PLEKHA1: variants seen among roughly 807,000 people sequenced by gnomAD.
The protein encoded by PLEKHA1 is pleckstrin homology domain-containing family A member 1.
PLEKHA1 carries 34 observed loss-of-function variants against 52.0 expected under a neutral mutation model. That is an observed-to-expected ratio of 0.65 (90% CI 0.50 to 0.87). The LOEUF (loss-of-function observed/expected upper bound fraction) is 0.87, where lower values mean the gene tolerates loss of function less well. Among genes scored for constraint, PLEKHA1 ranks in the 40% least tolerant of loss-of-function variants. The pLI is 0.00. For missense variants in PLEKHA1, 497 were observed against 504.2 expected, an observed-to-expected ratio of 0.99 and a Z score of 0.14; for synonymous variants, 163 against 170.7, an observed-to-expected ratio of 0.95 and a Z score of 0.35.
intron 1 of PLEKHA1, among the ~76,000 whole-genome samples, chr10:122,380,410 A>G (rs973021238): frequency 1.3e-5 from 2 of 152,216 alleles, no homozygotes; most frequent in Admixed American, 1.3e-4. Flanking sequence ...AATGCTAAGG[A>G]GAAGAATAAC....
At chr10:122,388,586 TC>T (rs1290774305) in intron 1 of PLEKHA1, among the ~76,000 whole-genome samples, 1 of 152,254 alleles carries the variant, frequency 6.6e-6, no homozygotes, top group Non-Finnish European at 1.5e-5. Context: ...TTTTTTGGTT[TC>T]CCAGTACATA....
chr10:122,399,374 G>A (rs1332542799), intron 3 of PLEKHA1, among the ~76,000 whole-genome samples: 2 of 152,068 alleles, frequency 1.3e-5, no homozygotes, highest in African/African-American at 4.8e-5. Context: ...TAAAGGGATA[G>A]CAGCAACCAA....
intron 2 of PLEKHA1, among the ~76,000 whole-genome samples, chr10:122,394,866 T>C (rs1026954605): frequency 1.3e-5 from 2 of 152,232 alleles, no homozygotes; most frequent in African/African-American, 4.8e-5. Flanking sequence ...TGTTCCTACA[T>C]AATAGATTCT....
intron 1 of PLEKHA1, among the ~76,000 whole-genome samples, chr10:122,375,368 C>T (rs993394193): frequency 6.6e-6 from 1 of 152,234 alleles, no homozygotes; most frequent in African/African-American, 2.4e-5. Context: ...GCCGGCTCCG[C>T]CCTGGGCCCT....
In PLEKHA1 at chr10:122,412,913, A is replaced by G. The variant is rs200186595; in HGVS notation, c.343-7A>G. 134 of 1,612,386 alleles carry G rather than the reference A, an allele frequency of 8.3e-5. No homozygotes were observed. The highest frequency in any genetic ancestry group is 5.0e-5 in the Admixed American group (3 of 59,816). ...TGCAAAATGATTCATTTTATTTACT[A>G]TTTCAGGTACCAAAGCAGTCAGACT... On this transcript the variant is annotated splice_polypyrimidine_tract_variant and splice_region_variant and intron_variant, in intron 5 of 11. Transcript: ENST00000368990.
At chr10:122,375,019 G>T (rs1274483140) in intron 1 of PLEKHA1, 1 of 152,032 alleles carries the variant, frequency 6.6e-6, no homozygotes, top group Non-Finnish European at 1.5e-5. Flanking sequence ...CACAGCACCT[G>T]GAGGCCGCCG....
intron 1 of PLEKHA1, among the ~76,000 whole-genome samples, chr10:122,376,499 AAGATATATATATATAT>A (rs993583210): frequency 3.5e-5 from 1 of 28,320 alleles, no homozygotes; most frequent in Non-Finnish European, 6.0e-5. Flanking sequence ...TGACATTAAG[AAGATATATATATATAT>A]ATATATATAT....
chr10:122,424,796 C>A (rs1357452980), intron 9 of PLEKHA1, 100 bp from the exon 10 acceptor site: 3 of 810,184 alleles, frequency 3.7e-6, no homozygotes, highest in African/African-American at 1.8e-5. Context: ...AGTGCTTTAC[C>A]TCATTTATTT....
At chr10:122,426,860 G>A (rs2133615021) in intron 10 of PLEKHA1, 82 bp from the exon 11 acceptor site, 3 of 1,186,044 alleles carry the variant, frequency 2.5e-6, no homozygotes, top group East Asian at 2.4e-5. Flanking sequence ...AGTATTTTAA[G>A]TTATCAAAAT....
intron 4 of PLEKHA1, among the ~76,000 whole-genome samples, chr10:122,401,187 A>T (rs1392127157): frequency 6.6e-6 from 1 of 152,030 alleles, no homozygotes; most frequent in Admixed American, 6.5e-5. Flanking sequence ...AGAGGGTATG[A>T]TAAATGGCTA....
chr10:122,425,833 T>C (rs1469866568), intron 10 of PLEKHA1: 2 of 152,084 alleles, frequency 1.3e-5, no homozygotes, highest in African/African-American at 2.4e-5. Context: ...ATGTGGCTTA[T>C]AAAACATTCA....
intron 1 of PLEKHA1, among the ~76,000 whole-genome samples, chr10:122,375,689 G>C (rs566573044): frequency 6.6e-6 from 1 of 152,362 alleles, no homozygotes; most frequent in East Asian, 1.9e-4. Context: ...CCCGCGCAGA[G>C]CATCTACCGT....
chr10:122,429,596 C>T (rs779939732), intron 11 of PLEKHA1, 28 bp from the exon 12 acceptor site: 17 of 1,601,200 alleles, frequency 1.1e-5, no homozygotes, highest in East Asian at 2.2e-5. Context: ...AGTGACTGAC[C>T]GTGTCTGACT....
chr10:122,394,633 A>T (rs56357575), intron 2 of PLEKHA1, among the ~76,000 whole-genome samples: 1 of 152,092 alleles, frequency 6.6e-6, no homozygotes, highest in South Asian at 2.1e-4. Flanking sequence ...CTATATACTG[A>T]TTTTAGATTA....
At chr10:122,379,504 C>T (rs147206309) in intron 1 of PLEKHA1, among the ~76,000 whole-genome samples, 282 of 151,884 alleles carry the variant, frequency 1.9e-3, no homozygotes, top group African/African-American at 6.4e-3. Flanking sequence ...GTTCTAGGCT[C>T]CTCTGATCTT....
chr10:122,390,117 T>G (rs1252844904), intron 1 of PLEKHA1, among the ~76,000 whole-genome samples: 1 of 152,240 alleles, frequency 6.6e-6, no homozygotes, highest in African/African-American at 2.4e-5. Flanking sequence ...AGAGATGGCT[T>G]CTTTCTTTAA....
At chr10:122,442,095 T>C in the PLEKHA1 span, 1 of 152,194 alleles carries the variant, frequency 6.6e-6, no homozygotes, top group Non-Finnish European at 1.5e-5. Flanking sequence ...CAAACACCCA[T>C]AGCTTCCCTG....
At chr10:122,398,043 C>A in intron 3 of PLEKHA1, 69 bp downstream of exon 3, 4 of 1,273,188 alleles carry the variant, frequency 3.1e-6, no homozygotes, top group Non-Finnish European at 4.5e-6. Flanking sequence ...TGAATAGAAG[C>A]AGCAGTTTCC....
At chr10:122,420,739 C>CT (rs1325733726) in intron 8 of PLEKHA1, 13 of 152,160 alleles carry the variant, frequency 8.5e-5, no homozygotes, top group African/African-American at 3.1e-4. Context: ...GACTCAGACT[C>CT]TAATTTATTA....
Sources: allele counts gnomAD v4.1 joint callset (sites outside exome capture counted in the v4.1 genomes callset), GRCh38; gene constraint gnomAD v4.1.1; transcripts MANE v1.5; gene names NCBI Gene and HGNC (gene_info 2026-07-23, HGNC 2026-07-21).